DHX35: variants seen among roughly 807,000 people sequenced by gnomAD.
The protein encoded by DHX35 is DEAH-box helicase 35.
In DHX35, 84 loss-of-function variants were observed where a neutral mutation model predicts 99.6. That is an observed-to-expected ratio of 0.84 (90% confidence interval 0.71 to 1.01). The LOEUF is 1.01. DHX35 is among the 50% of genes least tolerant of loss of function. The probability of loss-of-function intolerance (pLI) is 0.00; values close to 1 mark genes in which losing one functional copy is unlikely to be tolerated. For synonymous variants in DHX35, 331 were observed against 316.2 expected, an observed-to-expected ratio of 1.05 and a Z score of -0.50; for missense variants, 852 against 888.5, an observed-to-expected ratio of 0.96 and a Z score of 0.52.
In DHX35 at chr20:38,991,660, G is replaced by A. The variant is rs148866648; in HGVS notation, c.512+145G>A. 39 of 641,226 alleles carry A rather than the reference G, an allele frequency of 6.1e-5. No homozygotes were observed. The African/African-American group carries it at 6.4e-4, about 10-fold the overall frequency. 39.7% of individuals were successfully genotyped at this position (641,226 alleles called of 1,614,324 possible). A position where few individuals can be genotyped will look rare whatever the true frequency, so the allele number is the denominator to read the frequency against. ...TTGACCTTGGCTGTTGGGACCCTTG[G>A]TGTTTTTCTCAGAATTTAAATAGTA... On this transcript the variant is annotated intron_variant, in intron 6 of 21. Coordinates refer to ENST00000252011, the MANE Select transcript of DHX35 (RefSeq NM_021931.4).
intron 1 of DHX35, among the ~76,000 whole-genome samples, chr20:38,964,466 A>G (rs1408749357): frequency 6.6e-6 from 1 of 151,602 alleles, no homozygotes; most frequent in African/African-American, 2.4e-5. Flanking sequence ...AGTCTGGCTC[A>G]GCCGCCCAGG....
At chr20:38,989,040 G>T in intron 5 of DHX35, 123 bp downstream of exon 5, 3 of 1,007,042 alleles carry the variant, frequency 3.0e-6, no homozygotes, top group Non-Finnish European at 1.4e-6. Flanking sequence ...GTGAAGAAAA[G>T]TATCCTGACA....
At chr20:38,969,295 A>T (rs2085958674) in intron 2 of DHX35, 81 bp downstream of exon 2, 4 of 1,456,718 alleles carry the variant, frequency 2.7e-6, no homozygotes, top group East Asian at 2.3e-5. Context: ...GAAGGGAATG[A>T]TGGCCTCTTT....
chr20:38,990,525 C>T (rs777802720), intron 5 of DHX35, among the ~76,000 whole-genome samples: 3 of 152,202 alleles, frequency 2.0e-5, no homozygotes, highest in East Asian at 1.9e-4. Context: ...CTGCATCCTG[C>T]GGGTTCTGCA....
chr20:39,013,417 C>T (rs1044022255), intron 13 of DHX35, among the ~76,000 whole-genome samples: 1 of 152,098 alleles, frequency 6.6e-6, no homozygotes, highest in African/African-American at 2.4e-5. Context: ...GTGAGAAGAC[C>T]ACACTAAAAC....
intron 3 of DHX35, among the ~76,000 whole-genome samples, chr20:38,982,925 ATTTTTT>A (rs547151407): frequency 7.0e-6 from 1 of 142,130 alleles, no homozygotes; most frequent in South Asian, 2.2e-4. Flanking sequence ...ACTTAATCAA[ATTTTTT>A]TTTTTTTTTT....
At chr20:39,013,956 C>A (rs886401134) in intron 13 of DHX35, among the ~76,000 whole-genome samples, 2 of 152,174 alleles carry the variant, frequency 1.3e-5, no homozygotes, top group African/African-American at 4.8e-5. Context: ...GGAAGGTAGA[C>A]TGGGAAAAAT....
At chr20:39,037,524 T>C (rs1278113076) in intron 21 of DHX35, among the ~76,000 whole-genome samples, 1 of 152,164 alleles carries the variant, frequency 6.6e-6, no homozygotes, top group African/African-American at 2.4e-5. Flanking sequence ...CCCTCCATTT[T>C]TTCAGGGCCT....
chr20:39,010,451 A>T lies in DHX35; in HGVS notation c.1347+47A>T, dbSNP rs1600418124. 1.9e-6 allele frequency: 3 copies of T among 1,606,450 alleles called. No homozygotes were observed. The East Asian group carries it at 6.7e-5, about 36-fold the overall frequency. The stretch of plus-strand genomic sequence containing the variant: ...GGGCCATAGGGAGGCTAGGGAGCTC[A>T]CAGGGGGATGTCAGGACATTGTCGT... On this transcript the variant is annotated intron_variant, in intron 13 of 21. Coordinates refer to ENST00000252011, the MANE Select transcript of DHX35 (RefSeq NM_021931.4).
At chr20:39,022,101 G>A (rs999928639) in intron 16 of DHX35, among the ~76,000 whole-genome samples, 166 bp downstream of exon 16, 1 of 152,094 alleles carries the variant, frequency 6.6e-6, no homozygotes, top group Non-Finnish European at 1.5e-5. Context: ...TGTTTTGCAG[G>A]CATCATTCCA....
intron 7 of DHX35, among the ~76,000 whole-genome samples, chr20:38,993,691 T>TC (rs991476669): frequency 6.6e-6 from 1 of 151,454 alleles, no homozygotes; most frequent in African/African-American, 2.4e-5. Flanking sequence ...TTTTCTTTTT[T>TC]TTTTTTTTTC....
chr20:38,968,133 C>A (rs1279379410), intron 1 of DHX35, among the ~76,000 whole-genome samples: 1 of 152,164 alleles, frequency 6.6e-6, no homozygotes, highest in Non-Finnish European at 1.5e-5. Context: ...TAGAGTGGTA[C>A]GTGACATGGA....
At chr20:39,033,620 C>G (rs900781548) in intron 20 of DHX35, among the ~76,000 whole-genome samples, 1 of 152,192 alleles carries the variant, frequency 6.6e-6, no homozygotes, top group African/African-American at 2.4e-5. Flanking sequence ...GATATCTACT[C>G]ATATGCACAC....
intron 3 of DHX35, among the ~76,000 whole-genome samples, chr20:38,981,577 A>G (rs1301456181): frequency 2.0e-5 from 3 of 152,020 alleles, no homozygotes; most frequent in Non-Finnish European, 2.9e-5. Context: ...GTACTACAAG[A>G]TGTTTCAGGC....
chr20:38,983,220 A>G (rs557147085), intron 3 of DHX35, among the ~76,000 whole-genome samples: 2 of 152,222 alleles, frequency 1.3e-5, no homozygotes, highest in African/African-American at 2.4e-5. Flanking sequence ...TGCCTGTTCA[A>G]TCAAATTTTA....
intron 3 of DHX35, among the ~76,000 whole-genome samples, chr20:38,979,872 A>G (rs2086145575): frequency 6.6e-6 from 1 of 151,462 alleles, no homozygotes; most frequent in Non-Finnish European, 1.5e-5. Flanking sequence ...AAAAACAAAA[A>G]TAAGGGCTAT....
chr20:38,973,148 A>G (rs2086027938), intron 3 of DHX35, among the ~76,000 whole-genome samples: 1 of 152,238 alleles, frequency 6.6e-6, no homozygotes, highest in Non-Finnish European at 1.5e-5. Context: ...CTGGGAGCTG[A>G]CTGAGAAGAT....
At chr20:38,973,558 G>A (rs540834843) in intron 3 of DHX35, among the ~76,000 whole-genome samples, 6 of 152,300 alleles carry the variant, frequency 3.9e-5, no homozygotes, top group African/African-American at 1.2e-4. Context: ...TTAGTTTTGC[G>A]TATATTTGGA....
At chr20:39,031,376 CA>C (rs1252022016) in intron 20 of DHX35, among the ~76,000 whole-genome samples, 1 of 150,810 alleles carries the variant, frequency 6.6e-6, no homozygotes, top group African/African-American at 2.4e-5. Flanking sequence ...CTCTGTCGCC[CA>C]GGCTGGAGTG....
Sources: allele counts gnomAD v4.1 joint callset (sites outside exome capture counted in the v4.1 genomes callset), GRCh38; gene constraint gnomAD v4.1.1; transcripts MANE v1.5; gene names NCBI Gene and HGNC (gene_info 2026-07-23, HGNC 2026-07-21).